The following CA10 variants were observed in gnomAD, a reference collection of about 807,000 sequenced individuals.
CA10 encodes carbonic anhydrase 10 (inactive), also known as carbonic anhydrase-related protein 10.
Under a neutral mutation model 44.2 loss-of-function variants are expected in CA10, and 14 were observed. That is an observed-to-expected ratio of 0.32 (90% CI 0.21 to 0.50). The LOEUF is 0.50. Among genes scored for constraint, CA10 ranks in the 20% least tolerant of loss-of-function variants. The probability of loss-of-function intolerance (pLI) is 0.99; values close to 1 mark genes in which losing one functional copy is unlikely to be tolerated. For synonymous variants in CA10, 159 were observed against 141.6 expected, an observed-to-expected ratio of 1.12 and a Z score of -0.87; for missense variants, 350 against 409.7, an observed-to-expected ratio of 0.85 and a Z score of 1.26.
intron 2 of CA10, among the ~76,000 whole-genome samples, chr17:52,024,609 G>A (rs1233013526): frequency 1.3e-5 from 2 of 152,054 alleles, no homozygotes; most frequent in Non-Finnish European, 2.9e-5. Flanking sequence ...TTGTGTATTG[G>A]AAGATATCCA....
At chr17:51,645,226 T>C (rs1241379272) in intron 6 of CA10, among the ~76,000 whole-genome samples, 1 of 152,258 alleles carries the variant, frequency 6.6e-6, no homozygotes, top group Non-Finnish European at 1.5e-5. Context: ...TTGTGGACTC[T>C]GCCCCTTGTA....
intron 4 of CA10, among the ~76,000 whole-genome samples, chr17:51,684,749 A>T (rs1452011360): frequency 6.6e-6 from 1 of 152,218 alleles, no homozygotes; most frequent in Non-Finnish European, 1.5e-5. Context: ...CCTGGCCCAG[A>T]GTTGGTGCTC....
At chr17:51,842,082 C>A (rs975110198) in intron 3 of CA10, among the ~76,000 whole-genome samples, 7 of 152,152 alleles carry the variant, frequency 4.6e-5, no homozygotes, top group African/African-American at 1.7e-4. Context: ...CTGTGATAGT[C>A]TGAGACTATT....
intron 3 of CA10, among the ~76,000 whole-genome samples, chr17:51,789,950 T>C (rs1237175801): frequency 6.6e-6 from 1 of 152,154 alleles, no homozygotes; most frequent in Non-Finnish European, 1.5e-5. Flanking sequence ...CACATTATCT[T>C]ACATCCCATT....
At chr17:51,901,549 G>C (rs1981317120) in intron 3 of CA10, among the ~76,000 whole-genome samples, 1 of 152,096 alleles carries the variant, frequency 6.6e-6, no homozygotes, top group Non-Finnish European at 1.5e-5. Context: ...GGTACCAGTG[G>C]GAGTAGGGTG....
At chr17:51,828,980 C>T (rs1422166739) in intron 3 of CA10, among the ~76,000 whole-genome samples, 1 of 152,152 alleles carries the variant, frequency 6.6e-6, no homozygotes, top group African/African-American at 2.4e-5. Flanking sequence ...AGTTTCATTC[C>T]GTGATTTTAT....
intron 4 of CA10, among the ~76,000 whole-genome samples, chr17:51,673,509 G>A (rs967825096): frequency 1.3e-5 from 2 of 152,064 alleles, no homozygotes; most frequent in Non-Finnish European, 2.9e-5. Context: ...AGACTCTTTT[G>A]TCTTCCTTAT....
At chr17:52,155,618 T>A (rs1989788311) in intron 1 of CA10, among the ~76,000 whole-genome samples, 1 of 152,218 alleles carries the variant, frequency 6.6e-6, no homozygotes, top group South Asian at 2.1e-4. Context: ...AATGGCCTTT[T>A]AAAGTTTATG....
chr17:51,696,527 A>T (rs1282941456), intron 4 of CA10, among the ~76,000 whole-genome samples: 2 of 152,126 alleles, frequency 1.3e-5, no homozygotes, highest in Non-Finnish European at 2.9e-5. Flanking sequence ...TCTTTTCAAA[A>T]AGCCACCTTC....
intron 3 of CA10, among the ~76,000 whole-genome samples, chr17:51,884,561 TA>T (rs1304928400): frequency 2.0e-5 from 3 of 152,208 alleles, no homozygotes; most frequent in Non-Finnish European, 4.4e-5. Context: ...CTATGGTATT[TA>T]AAATAGCACA....
At chr17:52,120,035 T>A (rs1417964986) in intron 1 of CA10, among the ~76,000 whole-genome samples, 1 of 152,154 alleles carries the variant, frequency 6.6e-6, no homozygotes, top group East Asian at 1.9e-4. Flanking sequence ...AGGGTGCCCA[T>A]CACCCAGAGG....
chr17:52,138,800 C>G (rs1279629706), intron 1 of CA10, among the ~76,000 whole-genome samples: 1 of 152,046 alleles, frequency 6.6e-6, no homozygotes, highest in Non-Finnish European at 1.5e-5. Context: ...TTTTGGCCTA[C>G]CCTCAGACTC....
At chr17:51,681,916 G>A (rs1048923655) in intron 4 of CA10, among the ~76,000 whole-genome samples, 1 of 152,140 alleles carries the variant, frequency 6.6e-6, no homozygotes, top group African/African-American at 2.4e-5. Context: ...GTGGGAACAT[G>A]GGGTATTTGA....
At chr17:52,032,112 C>T (rs1042612371) in intron 2 of CA10, among the ~76,000 whole-genome samples, 104 of 152,272 alleles carry the variant, frequency 6.8e-4, no homozygotes, top group African/African-American at 2.4e-3. Context: ...CAATTCTATG[C>T]TTACCCACTA....
chr17:51,821,563 A>G (rs1464600667), intron 3 of CA10, among the ~76,000 whole-genome samples: 1 of 152,142 alleles, frequency 6.6e-6, no homozygotes, highest in Non-Finnish European at 1.5e-5. Context: ...TCCTGCTTTT[A>G]CATTCACTCC....
chr17:51,895,328 TA>T (rs1981023225), intron 3 of CA10, among the ~76,000 whole-genome samples: 1 of 152,014 alleles, frequency 6.6e-6, no homozygotes, highest in African/African-American at 2.4e-5. Context: ...CCAATGCCTG[TA>T]AAAAGTTAAA....
chr17:52,053,118 A>C (rs1987125136), intron 2 of CA10, among the ~76,000 whole-genome samples: 1 of 152,040 alleles, frequency 6.6e-6, no homozygotes, highest in Admixed American at 6.6e-5. Context: ...TCACTTCCTA[A>C]TGTTTTCCTT....
At chr17:51,791,246 T>C (rs1374065797) in intron 3 of CA10, among the ~76,000 whole-genome samples, 2 of 152,236 alleles carry the variant, frequency 1.3e-5, no homozygotes, top group Non-Finnish European at 2.9e-5. Context: ...ATGACTCATC[T>C]ATTGTACCAG....
rs376559133 is a variant in CA10 at position 51,747,730 on chromosome 17, G to A, written c.368C>T (p.Thr123Ile). 7 of 1,614,026 alleles carry A rather than the reference G, an allele frequency of 4.3e-6. No individual in the cohort carries two copies. Among genetic ancestry groups the A allele is most frequent in the Non-Finnish European group, 5.9e-6 (7 of 1,179,986 alleles). The change falls in exon 4 of 9, where the codon ACA becomes ATA. Residue 123 changes from threonine to isoleucine, a missense_variant. Coordinates refer to ENST00000451037, the MANE Select transcript of CA10 (RefSeq NM_020178.5). ...GATCTCCTCCAGCCGGTGGCTGTAT[G>A]TCATGGGCCCTCCAGATATGTTGAC... ...HLVNISGGPMTYSHRLEEIRL... is the reference protein window; with the variant it reads ...HLVNISGGPMIYSHRLEEIRL...
Sources: allele counts gnomAD v4.1 joint callset (sites outside exome capture counted in the v4.1 genomes callset), GRCh38; gene constraint gnomAD v4.1.1; transcripts MANE v1.5; gene names NCBI Gene and HGNC (gene_info 2026-07-23, HGNC 2026-07-21).